The following MGAT4D variants were observed in gnomAD, a reference collection of about 807,000 sequenced individuals.
MGAT4D encodes the protein MGAT4 family member D, also known as alpha-1,3-mannosyl-glycoprotein 4-beta-N-acetylglucosaminyltransferase-like protein MGAT4D.
MGAT4D carries 34 observed loss-of-function variants against 15.9 expected under a neutral mutation model. The ratio of observed to expected loss-of-function variants is 2.14; its 90% confidence interval spans 1.62 to 2.84. MGAT4D has a LOEUF of 2.84. MGAT4D is among the 30% of genes most tolerant of loss of function. The probability of loss-of-function intolerance (pLI) is 0.00; values close to 1 mark genes in which losing one functional copy is unlikely to be tolerated. For synonymous variants in MGAT4D, 112 were observed against 48.2 expected (o/e 2.33, Z -5.49); for missense variants, 327 against 140.2 (o/e 2.33, Z -6.73).
chr4:140,446,743 G>GTTTTTTTTTTTTT (rs149442061), intron 10 of MGAT4D, among the ~76,000 whole-genome samples: 1 of 8,168 alleles, frequency 1.2e-4, no homozygotes, highest in Non-Finnish European at 2.2e-4. Flanking sequence ...TGCTTCTCTA[G>GTTTTTTTTTTTTT]TTTTTTTTTT....
chr4:140,448,859 G>A (rs907773692), intron 10 of MGAT4D, among the ~76,000 whole-genome samples: 3 of 152,054 alleles, frequency 2.0e-5, no homozygotes, highest in African/African-American at 7.2e-5. Flanking sequence ...CATTTTTATG[G>A]GAAGTATCTT....
Position 140,459,523 on chromosome 4 carries a change from A to G in MGAT4D, c.866T>C (p.Leu289Pro). Residue 289 changes from leucine (L) to proline (P), a missense_variant, in exon 8 of 11, where the codon CTT becomes CCT. Transcript: ENST00000511113. ...AATCCATTGCTTACCTATGAATCCA[A>G]GCATTGAAAACTCAATAAAAAACCA... ...NNWFFIEFSM[L>P]GFIGKLFRSE... 2.0e-6 allele frequency: 1 copy of G among 488,526 alleles called. No homozygotes were observed. The highest frequency in any genetic ancestry group is 2.0e-5 in the African/African-American group (1 of 49,738). The allele number at this position is 488,526 out of a possible 1,614,324, so 30.3% of individuals were successfully genotyped here.
At chr4:140,445,992 C>A (rs188209092) in intron 10 of MGAT4D, among the ~76,000 whole-genome samples, 36 of 152,218 alleles carry the variant, frequency 2.4e-4, no homozygotes, top group Admixed American at 2.2e-3. Context: ...TATATTGAAC[C>A]AATCTTGCAT....
At chr4:140,448,334 T>A (rs909847382) in intron 10 of MGAT4D, among the ~76,000 whole-genome samples, 3 of 152,188 alleles carry the variant, frequency 2.0e-5, no homozygotes. Context: ...TATTCGGTGA[T>A]GCTAGTGATT....
intron 4 of MGAT4D, among the ~76,000 whole-genome samples, chr4:140,473,753 CA>C (rs1484527018): frequency 1.3e-5 from 2 of 152,134 alleles, no homozygotes; most frequent in Admixed American, 6.5e-5. Flanking sequence ...GGCTGGAGTG[CA>C]GTGGTGCAAT....
intron 10 of MGAT4D, among the ~76,000 whole-genome samples, chr4:140,448,587 G>A (rs954115102): frequency 6.6e-6 from 1 of 152,106 alleles, no homozygotes; most frequent in African/African-American, 2.4e-5. Flanking sequence ...TATTTTATCT[G>A]TCAGCTCCTG....
intron 2 of MGAT4D, among the ~76,000 whole-genome samples, chr4:140,481,160 C>A (rs1344080166): frequency 6.6e-6 from 1 of 151,650 alleles, no homozygotes; most frequent in African/African-American, 2.4e-5. Flanking sequence ...ATAAAATTAG[C>A]CAGGTGTGGT....
At position 140,461,913 on chromosome 4, in the gene MGAT4D, AC is replaced by A. The variant is rs1459423367; in HGVS notation, c.762+15del. 7.2e-6 allele frequency: 5 copies of A among 696,260 alleles called. No homozygotes were observed. Among genetic ancestry groups the A allele is most frequent in the East Asian group, 2.7e-5 (1 of 37,122 alleles). 43.1% of individuals were successfully genotyped at this position (696,260 alleles called of 1,614,324 possible). A position where few individuals can be genotyped will look rare whatever the true frequency, so the allele number is the denominator to read the frequency against. ...CACACACACACACACACACACACAC[AC>A]ACACAATTTCTGACCTGTAAATAAT... is the stretch of plus-strand genomic sequence containing the variant. On this transcript the variant is annotated intron_variant, in intron 7 of 10. Coordinates refer to ENST00000511113, the MANE Select transcript of MGAT4D (RefSeq NM_001277353.2).
intron 9 of MGAT4D, among the ~76,000 whole-genome samples, chr4:140,453,286 C>A (rs1413242560): frequency 1.3e-5 from 2 of 151,772 alleles, no homozygotes; most frequent in African/African-American, 4.8e-5. Context: ...GAATATCTAC[C>A]AAAAAATTCC....
chr4:140,485,350 A>G (rs928050103), intron 1 of MGAT4D, among the ~76,000 whole-genome samples: 1 of 152,002 alleles, frequency 6.6e-6, no homozygotes, highest in Non-Finnish European at 1.5e-5. Flanking sequence ...GAATTGAACA[A>G]TGAGAACACA....
chr4:140,447,886 T>A (rs1730232488), intron 10 of MGAT4D, among the ~76,000 whole-genome samples: 1 of 152,218 alleles, frequency 6.6e-6, no homozygotes, highest in Non-Finnish European at 1.5e-5. Flanking sequence ...GGAGGTTTTG[T>A]AAGGCAGGTC....
At position 140,443,260 on chromosome 4, in the gene MGAT4D, T is replaced by C. The variant is rs1355037734; in HGVS notation, c.*176A>G. 2 of 289,648 alleles carry C rather than the reference T, an allele frequency of 6.9e-6. No homozygotes were observed. Among genetic ancestry groups the C allele is most frequent in the Non-Finnish European group, 6.3e-6 (1 of 158,026 alleles). 17.9% of individuals were successfully genotyped at this position (289,648 alleles called of 1,614,324 possible). A position where few individuals can be genotyped will look rare whatever the true frequency, so the allele number is the denominator to read the frequency against. On this transcript the variant is annotated 3_prime_UTR_variant, in exon 11 of 11. Coordinates refer to ENST00000511113, the MANE Select transcript of MGAT4D (RefSeq NM_001277353.2). ...AATAGGGTAAAAGCAATATAAATGTTCTACCTTGTCTTGACATAAGAAGTC... is the reference window on the plus strand; with the variant it reads ...AATAGGGTAAAAGCAATATAAATGTCCTACCTTGTCTTGACATAAGAAGTC...
intron 4 of MGAT4D, among the ~76,000 whole-genome samples, 169 bp downstream of exon 4, chr4:140,474,644 C>T (rs993269660): frequency 6.6e-6 from 1 of 152,040 alleles, no homozygotes; most frequent in Non-Finnish European, 1.5e-5. Flanking sequence ...TCAGCAGTAT[C>T]GAAGAAGTAT....
chr4:140,446,757 T>G (rs1730158614), intron 10 of MGAT4D, among the ~76,000 whole-genome samples: 1 of 109,472 alleles, frequency 9.1e-6, no homozygotes, highest in South Asian at 3.5e-4. Flanking sequence ...TTTTTTTTTT[T>G]TTTTTTTTTT....
chr4:140,480,381 T>A (rs554891548), intron 2 of MGAT4D, among the ~76,000 whole-genome samples: 2,062 of 152,250 alleles, frequency 0.014, 15 homozygotes, highest in South Asian at 0.035. Context: ...CTATGAATTT[T>A]TTTAAAAACA....
rs1729843110 is a variant in MGAT4D at position 140,442,524 on chromosome 4, G to C, written c.*912C>G. The C allele has an allele frequency of 6.6e-6, 1 of 152,098 alleles. No homozygotes were observed. Among genetic ancestry groups the C allele is most frequent in the Non-Finnish European group, 1.5e-5 (1 of 67,984 alleles). 9.4% of individuals were successfully genotyped at this position (152,098 alleles called of 1,614,324 possible). On this transcript the variant is annotated 3_prime_UTR_variant, in exon 11 of 11. Coordinates refer to ENST00000511113, the MANE Select transcript of MGAT4D (RefSeq NM_001277353.2). ...AAGCATATAGAAATTAGTAAGGAGT[G>C]AAAAGTTTTCAACAACCAAATTAGA... is the stretch of plus-strand genomic sequence containing the variant.
chr4:140,465,431 C>A (rs1032581423), intron 5 of MGAT4D, among the ~76,000 whole-genome samples: 6 of 152,160 alleles, frequency 3.9e-5, no homozygotes, highest in African/African-American at 7.2e-5. Flanking sequence ...TAGATTACCC[C>A]AGCAAGCAAG....
rs1309735241 is a variant in MGAT4D, at chr4:140,443,440, A to G, written c.1121T>C (p.Ile374Thr). Residue 374 changes from isoleucine (I) to threonine (T), a missense_variant, in exon 11 of 11, where the codon ATA (isoleucine) becomes ACA (threonine). Transcript: ENST00000511113. ...AGAGTTTCTTCTTATTTATCTTCATATTTTCTGAAATGAAAACAAAAAATG... is the reference window on the plus strand; with the variant it reads ...AGAGTTTCTTCTTATTTATCTTCATGTTTTCTGAAATGAAAACAAAAAATG... ...FPRKEQYEKK[I>T] The G allele has an allele frequency of 3.7e-6, 2 of 546,260 alleles. No homozygotes were observed. Among genetic ancestry groups the G allele is most frequent in the African/African-American group, 3.9e-5 (2 of 51,922 alleles). 33.8% of individuals were successfully genotyped at this position (546,260 alleles called of 1,614,324 possible).
At chr4:140,444,744 T>C (rs1210197121) in intron 10 of MGAT4D, among the ~76,000 whole-genome samples, 1 of 152,222 alleles carries the variant, frequency 6.6e-6, no homozygotes, top group East Asian at 1.9e-4. Context: ...ATGGGATTGT[T>C]GGGTCAAATG....
Sources: allele counts gnomAD v4.1 joint callset (sites outside exome capture counted in the v4.1 genomes callset), GRCh38; gene constraint gnomAD v4.1.1; transcripts MANE v1.5; gene names NCBI Gene and HGNC (gene_info 2026-07-23, HGNC 2026-07-21).